The following ABCA5 variants were observed in gnomAD, a reference collection of about 807,000 sequenced individuals.
The protein encoded by ABCA5 is ATP binding cassette subfamily A member 5, also known as cholesterol transporter ABCA5.
ABCA5 carries 163 observed loss-of-function variants against 206.0 expected under a neutral mutation model. That is an observed-to-expected ratio of 0.79 (90% confidence interval 0.70 to 0.90). ABCA5 has a LOEUF of 0.90. Among genes scored for constraint, ABCA5 ranks in the 40% least tolerant of loss-of-function variants. ABCA5 has a pLI of 0.00. For missense variants in ABCA5, 1,859 were observed against 1,912.9 expected (o/e 0.97, Z 0.53); for synonymous variants, 609 against 613.8 (o/e 0.99, Z 0.11).
intron 13 of ABCA5, among the ~76,000 whole-genome samples, chr17:69,289,565 A>G (rs988742374): frequency 2.6e-5 from 4 of 152,238 alleles, no homozygotes; most frequent in East Asian, 3.9e-4. Flanking sequence ...TAGGGAAGGA[A>G]TAAGAGATCA....
In ABCA5 at chr17:69,274,026, T is replaced by C. The variant is rs764865774; in HGVS notation, c.2697A>G (p.Leu899=). 1 of 1,611,878 alleles carries C rather than the reference T, an allele frequency of 6.2e-7. No individual in the cohort carries two copies. Among genetic ancestry groups the C allele is most frequent in the South Asian group, 1.1e-5 (1 of 90,504 alleles). Reference sequence around the variant, plus strand: ...GTTTGTCTCCAGGTTTTAGAAAATATAAGTCTGGAACAAGTTTGATGGGAA... The same window carrying C: ...GTTTGTCTCCAGGTTTTAGAAAATACAAGTCTGGAACAAGTTTGATGGGAA... ...AVVPIKLVPD[L]YFLKPGDKPH... The change falls in exon 20 of 39, where the codon TTA becomes TTG. Residue 899 remains leucine (L), a synonymous_variant. Transcript: ENST00000392676.
chr17:69,273,106 AT>A (rs1384496925), intron 20 of ABCA5, among the ~76,000 whole-genome samples: 4 of 152,256 alleles, frequency 2.6e-5, no homozygotes, highest in South Asian at 2.1e-4. Flanking sequence ...GTATGTTTAA[AT>A]TTTTTTCATA....
chr17:69,307,279 A>G (rs971405000), intron 5 of ABCA5, among the ~76,000 whole-genome samples: 1 of 152,092 alleles, frequency 6.6e-6, no homozygotes, highest in African/African-American at 2.4e-5. Flanking sequence ...TAGTAAAAAT[A>G]TACATCTTCA....
At chr17:69,268,963 CA>C (rs1182802370) in intron 22 of ABCA5, 3 of 152,114 alleles carry the variant, frequency 2.0e-5, no homozygotes, top group Non-Finnish European at 4.4e-5. Flanking sequence ...AAAGAACCCA[CA>C]AATATGTAGA....
chr17:69,276,475 TA>T (rs1272458414), intron 19 of ABCA5, among the ~76,000 whole-genome samples: 3 of 152,052 alleles, frequency 2.0e-5, no homozygotes, highest in African/African-American at 7.3e-5. Flanking sequence ...TATGCAGCCA[TA>T]AAAAAGGATG....
chr17:69,276,110 C>T (rs948857225), intron 19 of ABCA5, among the ~76,000 whole-genome samples: 7 of 151,600 alleles, frequency 4.6e-5, no homozygotes, highest in East Asian at 1.9e-4. Context: ...GGGGCAGGGA[C>T]GGAGTCTCAC....
At chr17:69,291,906 A>G (rs1598183954) in intron 11 of ABCA5, among the ~76,000 whole-genome samples, 1 of 152,100 alleles carries the variant, frequency 6.6e-6, no homozygotes, top group African/African-American at 2.4e-5. Flanking sequence ...TGGGCCCAGG[A>G]GTTCGAGACT....
At chr17:69,250,700 T>C (rs958541469) in intron 35 of ABCA5, 79 bp from the exon 36 acceptor site, 2 of 1,054,248 alleles carry the variant, frequency 1.9e-6, no homozygotes, top group African/African-American at 1.7e-5. Flanking sequence ...ATAACTACAT[T>C]TTAAAAAAAT....
intron 3 of ABCA5, among the ~76,000 whole-genome samples, chr17:69,312,486 G>A (rs930240579): frequency 1.8e-4 from 28 of 152,268 alleles, no homozygotes; most frequent in Non-Finnish European, 2.8e-4. Context: ...TACTTCTTCA[G>A]TTTACACCAT....
intron 1 of ABCA5, chr17:69,317,336 G>A (rs1002453176): frequency 7.0e-6 from 1 of 143,492 alleles, no homozygotes; most frequent in Non-Finnish European, 1.5e-5. Context: ...GGAGGCAGAG[G>A]TTGCAGTGAG....
At position 69,261,276 on chromosome 17, in the gene ABCA5, A is replaced by G; in HGVS notation, c.3430-17T>C. On this transcript the variant is annotated splice_polypyrimidine_tract_variant and intron_variant, in intron 25 of 38. Coordinates refer to ENST00000392676, the MANE Select transcript of ABCA5 (RefSeq NM_172232.4). Reference sequence around the variant, plus strand: ...CAACGCTGCCTAAAGAAAAAAATAAATAAATAAAAGTGACAAAGTGTTTAG... The same window carrying G: ...CAACGCTGCCTAAAGAAAAAAATAAGTAAATAAAAGTGACAAAGTGTTTAG... 6.3e-7 allele frequency: 1 copy of G among 1,581,482 alleles called. No individual in the cohort carries two copies. The highest frequency in any genetic ancestry group is 8.6e-7 in the Non-Finnish European group (1 of 1,167,126).
At position 69,279,362 on chromosome 17, in the gene ABCA5, G is replaced by A. The variant is rs1249029599; in HGVS notation, c.2393-1520C>T. Among the ~76,000 whole-genome samples the A allele has an allele frequency of 3.9e-5, 6 of 152,098 alleles. No individual in the cohort carries two copies. The East Asian group carries it at 5.8e-4, about 15-fold the overall frequency. ...ACCTCTTCAAGGAGAACTACAAACT[G>A]CTGCTCAAGGAAATAAAAGAGGATA... On this transcript the variant is annotated intron_variant, in intron 18 of 38. Transcript: ENST00000392676.
At chr17:69,324,116 GGAA>G (rs1190989645) in intron 1 of ABCA5, among the ~76,000 whole-genome samples, 8 of 152,262 alleles carry the variant, frequency 5.3e-5, no homozygotes, top group Admixed American at 4.6e-4. Context: ...CCTGTAAAAA[GGAA>G]GAAGAGGGGA....
intron 1 of ABCA5, among the ~76,000 whole-genome samples, chr17:69,323,503 CAT>C (rs1471534849): frequency 6.6e-6 from 1 of 152,154 alleles, no homozygotes; most frequent in Non-Finnish European, 1.5e-5. Flanking sequence ...AATTTTTAAT[CAT>C]ATTGCCTAAA....
In ABCA5 at chr17:69,297,280, C is replaced by T. The variant is rs138384289; in HGVS notation, c.1347G>A (p.Glu449=). 11 of 1,612,850 alleles carry T rather than the reference C, an allele frequency of 6.8e-6. No individual in the cohort carries two copies. Among genetic ancestry groups the T allele is most frequent in the African/African-American group, 6.7e-5 (5 of 74,878 alleles). ...TTCCATTAACATTGCCCTCTGATAA[C>T]TCCTCATAATTTCTTTTGCTCTTTG... is the stretch of plus-strand genomic sequence containing the variant. The part of the protein sequence containing the change: ...YWSKSKRNYE[E]LSEGNVNGNI... Residue 449 remains glutamate, a synonymous_variant, in exon 10 of 39, where the codon GAG becomes GAA. Transcript: ENST00000392676.
intron 37 of ABCA5, 170 bp from the exon 38 acceptor site, chr17:69,248,487 T>A: frequency 2.0e-6 from 1 of 503,650 alleles, no homozygotes; most frequent in Non-Finnish European, 3.6e-6. Context: ...TCCCCACACC[T>A]ATAATTCCTC....
In ABCA5 at chr17:69,250,584, C is replaced by G; in HGVS notation, c.4573G>C (p.Gly1525Arg). 6.3e-7 allele frequency: 1 copy of G among 1,597,852 alleles called. No individual in the cohort carries two copies. Among genetic ancestry groups the G allele is most frequent in the Non-Finnish European group, 8.5e-7 (1 of 1,174,106 alleles). Residue 1525 changes from glycine to arginine, a missense_variant, in exon 36 of 39, where the codon GGA (glycine) becomes CGA (arginine). Physicochemically the swap from Gly to Arg is moderately radical, Grantham distance 125. Transcript: ENST00000392676. ...GTVQHLKSKF[G>R]KGYFLEIKLK... ...TTAATTTCCAAAAAGTAGCCTTTTC[C>G]AAATTTACTCTTTAGATGTTGTACT... is the stretch of plus-strand genomic sequence containing the variant.
At chr17:69,250,430 T>C in intron 36 of ABCA5, 42 bp downstream of exon 36, 1 of 1,561,826 alleles carries the variant, frequency 6.4e-7, no homozygotes, top group African/African-American at 1.4e-5. Flanking sequence ...TTTATAACCT[T>C]TGCTCTATAA....
At chr17:69,269,220 G>T (rs16973883) in intron 22 of ABCA5, among the ~76,000 whole-genome samples, 14,884 of 152,132 alleles carry the variant, frequency 0.098, 784 homozygotes, top group Non-Finnish European at 0.11. Context: ...AAACACGTAT[G>T]GGAATTACAA....
Sources: gnomAD v4.1 joint callset for allele counts (sites outside exome capture counted in the v4.1 genomes callset) on GRCh38, gnomAD v4.1.1 for gene constraint, MANE v1.5 for transcripts, NCBI Gene and HGNC (gene_info 2026-07-23, HGNC 2026-07-21) for gene names.